The following SEC22A variants were observed in gnomAD, a reference collection of about 807,000 sequenced individuals.
The protein encoded by SEC22A is vesicle-trafficking protein SEC22a.
Under a neutral mutation model 35.3 loss-of-function variants are expected in SEC22A, and 22 were observed. The observed-to-expected ratio is 0.62, with a 90% confidence interval of 0.45 to 0.89. SEC22A has a LOEUF of 0.89. Among genes scored for constraint, SEC22A ranks in the 40% least tolerant of loss-of-function variants. The probability of loss-of-function intolerance (pLI) is 0.00; values close to 1 mark genes in which losing one functional copy is unlikely to be tolerated. For missense variants in SEC22A, 354 were observed against 362.5 expected (o/e 0.98, Z 0.19); for synonymous variants, 119 against 129.5 (o/e 0.92, Z 0.55).
At chr3:123,210,529 A>G (rs1049868979) in intron 2 of SEC22A, among the ~76,000 whole-genome samples, 8 of 152,224 alleles carry the variant, frequency 5.3e-5, no homozygotes, top group Non-Finnish European at 8.8e-5. Flanking sequence ...TAGACATCCA[A>G]GGGGCACTGC....
chr3:123,255,851 T>C (rs574854341), intron 5 of SEC22A, among the ~76,000 whole-genome samples: 3 of 152,146 alleles, frequency 2.0e-5, no homozygotes, highest in South Asian at 2.1e-4. Context: ...TTCAAACTTA[T>C]AGAAAAGTTT....
At position 123,209,207 on chromosome 3, in the gene SEC22A, T is replaced by A; in HGVS notation, c.-11T>A. Reference sequence around the variant, plus strand: ...TGTTCATTTTGTTTTAGGTCTTCTCTGTTGGTTGAAATGTCTATGATTTTA... The same window carrying A: ...TGTTCATTTTGTTTTAGGTCTTCTCAGTTGGTTGAAATGTCTATGATTTTA... On this transcript the variant is annotated 5_prime_UTR_variant, in exon 2 of 7. Coordinates refer to ENST00000492595, the MANE Select transcript of SEC22A (RefSeq NM_012430.5). The A allele has an allele frequency of 6.2e-7, 1 of 1,613,670 alleles. No homozygotes were observed. The highest frequency in any genetic ancestry group is 1.1e-5 in the South Asian group (1 of 91,030).
intron 5 of SEC22A, 58 bp downstream of exon 5, chr3:123,246,072 T>A (rs1337465899): frequency 5.8e-6 from 5 of 855,830 alleles, no homozygotes; most frequent in Admixed American, 3.9e-5. Flanking sequence ...ACTGGTTACA[T>A]AATTGATTTG....
Position 123,273,902 on chromosome 3 carries a change from GAC to G in SEC22A, c.*2184_*2185del, listed in dbSNP as rs1314752221. 6.6e-5 allele frequency: 10 copies of G among 152,236 alleles called. No homozygotes were observed. Among genetic ancestry groups the G allele is most frequent in the African/African-American group, 2.4e-4 (10 of 41,526 alleles). 9.4% of individuals were successfully genotyped at this position (152,236 alleles called of 1,614,324 possible). On this transcript the variant is annotated 3_prime_UTR_variant, in exon 7 of 7. Coordinates refer to ENST00000492595, the MANE Select transcript of SEC22A (RefSeq NM_012430.5). ...TCTGGTTGAGATTTTGCTCTGTATT[GAC>G]ACAGCTCGCACCAGTTTGGTTCAGG...
At chr3:123,249,448 A>G (rs1169662184) in intron 5 of SEC22A, among the ~76,000 whole-genome samples, 1 of 152,162 alleles carries the variant, frequency 6.6e-6, no homozygotes, top group African/African-American at 2.4e-5. Flanking sequence ...TTAGAATAAA[A>G]GATGCTCTTA....
chr3:123,260,839 C>CTTTTTTT (rs11293756), intron 6 of SEC22A, among the ~76,000 whole-genome samples: 1 of 134,642 alleles, frequency 7.4e-6, no homozygotes, highest in African/African-American at 2.7e-5. Flanking sequence ...TTTTCTTTTT[C>CTTTTTTT]TTTTTTTTTT....
intron 4 of SEC22A, among the ~76,000 whole-genome samples, chr3:123,240,592 T>G (rs1937511510): frequency 6.6e-6 from 1 of 152,240 alleles, no homozygotes; most frequent in African/African-American, 2.4e-5. Flanking sequence ...AAAGCTACGA[T>G]GAACATTCAT....
chr3:123,267,591 A>G (rs940561356), intron 6 of SEC22A, among the ~76,000 whole-genome samples: 1 of 152,284 alleles, frequency 6.6e-6, no homozygotes, highest in African/African-American at 2.4e-5. Flanking sequence ...ACCATCAAAC[A>G]TAATTTAGAA....
intron 2 of SEC22A, among the ~76,000 whole-genome samples, chr3:123,215,426 A>G (rs183507325): frequency 2.6e-5 from 4 of 152,214 alleles, no homozygotes; most frequent in African/African-American, 7.2e-5. Flanking sequence ...CCATTTCTAG[A>G]CTGATTAATC....
chr3:123,257,995 GAA>G (rs61068587), intron 5 of SEC22A, among the ~76,000 whole-genome samples: 6 of 111,414 alleles, frequency 5.4e-5, no homozygotes, highest in African/African-American at 6.2e-5. Context: ...CCATCTCATT[GAA>G]AAAAAAAAAA....
At chr3:123,221,019 T>A (rs1219146592) in intron 2 of SEC22A, among the ~76,000 whole-genome samples, 1 of 151,642 alleles carries the variant, frequency 6.6e-6, no homozygotes. Flanking sequence ...GCAAGAGTGA[T>A]AAGACACTTT....
At chr3:123,228,467 C>A (rs1014854620) in intron 4 of SEC22A, among the ~76,000 whole-genome samples, 1 of 147,272 alleles carries the variant, frequency 6.8e-6, no homozygotes, top group Non-Finnish European at 1.5e-5. Flanking sequence ...CCCAGCTACA[C>A]GAGAGGCTGA....
chr3:123,235,977 A>G (rs927585056), intron 4 of SEC22A, among the ~76,000 whole-genome samples: 7 of 152,222 alleles, frequency 4.6e-5, no homozygotes, highest in African/African-American at 1.7e-4. Context: ...TTCTCTTTAT[A>G]TGGAATGTCC....
Position 123,223,548 on chromosome 3 carries a change from T to G in SEC22A, c.183-11T>G, listed in dbSNP as rs1242549846. On this transcript the variant is annotated splice_polypyrimidine_tract_variant and intron_variant, in intron 2 of 6. Coordinates refer to ENST00000492595, the MANE Select transcript of SEC22A (RefSeq NM_012430.5). ...TTTGAAATTTTAAAACCAATGTTTTTTACACTGTAGTTTTATTAGCTCTCT... is the reference window on the plus strand; with the variant it reads ...TTTGAAATTTTAAAACCAATGTTTTGTACACTGTAGTTTTATTAGCTCTCT... 6.2e-7 allele frequency: 1 copy of G among 1,608,306 alleles called. No homozygotes were observed. The highest frequency in any genetic ancestry group is 8.5e-7 in the Non-Finnish European group (1 of 1,176,678).
At chr3:123,243,498 T>C (rs1937543115) in intron 4 of SEC22A, among the ~76,000 whole-genome samples, 1 of 152,180 alleles carries the variant, frequency 6.6e-6, no homozygotes, top group Non-Finnish European at 1.5e-5. Context: ...CCTGACTACA[T>C]TTTATCTATC....
chr3:123,270,243 A>AT (rs1202822621), intron 6 of SEC22A, among the ~76,000 whole-genome samples: 1 of 151,874 alleles, frequency 6.6e-6, no homozygotes, highest in Admixed American at 6.6e-5. Flanking sequence ...AGAAAAAGCT[A>AT]TTTTTTTCTA....
At chr3:123,243,260 G>T (rs1937540483) in intron 4 of SEC22A, among the ~76,000 whole-genome samples, 1 of 151,410 alleles carries the variant, frequency 6.6e-6, no homozygotes, top group South Asian at 2.1e-4. Flanking sequence ...TGGGGAGGGG[G>T]CGGGGTGGGG....
At chr3:123,221,533 G>T (rs1937124329) in intron 2 of SEC22A, among the ~76,000 whole-genome samples, 1 of 151,306 alleles carries the variant, frequency 6.6e-6, no homozygotes. Context: ...CATAGGAGTG[G>T]TGAATTACAT....
At chr3:123,206,447 G>A (rs1936853817) in intron 1 of SEC22A, among the ~76,000 whole-genome samples, 1 of 152,136 alleles carries the variant, frequency 6.6e-6, no homozygotes, top group Non-Finnish European at 1.5e-5. Context: ...TTCCCAGAAT[G>A]GTTATTGTGT....
Sources: allele counts gnomAD v4.1 joint callset (sites outside exome capture counted in the v4.1 genomes callset), GRCh38; gene constraint gnomAD v4.1.1; transcripts MANE v1.5; gene names NCBI Gene and HGNC (gene_info 2026-07-23, HGNC 2026-07-21).